The following CLHC1 variants were observed in gnomAD, a reference collection of about 807,000 sequenced individuals.
CLHC1 encodes clathrin heavy chain linker domain-containing protein 1.
CLHC1 carries 72 observed loss-of-function variants against 69.5 expected under a neutral mutation model. That is an observed-to-expected ratio of 1.04 (90% CI 0.86 to 1.26). The LOEUF (loss-of-function observed/expected upper bound fraction) is 1.26. Ranked by LOEUF, CLHC1 falls within the 50% of genes most tolerant of loss-of-function variation. CLHC1 has a pLI of 0.00. For missense variants in CLHC1, 790 were observed against 679.3 expected, an observed-to-expected ratio of 1.16 and a Z score of -1.81; for synonymous variants, 223 against 224.3, an observed-to-expected ratio of 0.99 and a Z score of 0.05.
In CLHC1 at chr2:55,206,170, G is replaced by T. The variant is rs113618314; in HGVS notation, c.1006+100C>A. The T allele has an allele frequency of 8.6e-3, 5,812 of 673,834 alleles. 48 individuals carry two copies. Among genetic ancestry groups the T allele is most frequent in the Non-Finnish European group, 9.9e-3 (3,874 of 389,994 alleles). 41.7% of individuals were successfully genotyped at this position (673,834 alleles called of 1,614,324 possible). ...AGTAAATGGTAGAGATAGGGCTGGG[G>T]CCTAGATCTTTAGTCTCCCAGTTTA... On this transcript the variant is annotated intron_variant, in intron 9 of 12. Transcript: ENST00000401408.
chr2:55,225,666 C>A, intron 2 of CLHC1: 1 of 152,686 alleles, frequency 6.5e-6, no homozygotes, highest in Non-Finnish European at 1.5e-5. Flanking sequence ...TGCCCCCTGC[C>A]ACCTCGAATT....
chr2:55,193,118 T>C (rs1392999215), intron 9 of CLHC1, among the ~76,000 whole-genome samples: 2 of 151,940 alleles, frequency 1.3e-5, no homozygotes, highest in African/African-American at 4.8e-5. Flanking sequence ...AGTCTTGAAC[T>C]CCTGACCTTG....
chr2:55,195,327 C>T (rs1244377861), intron 9 of CLHC1, among the ~76,000 whole-genome samples: 2 of 152,074 alleles, frequency 1.3e-5, no homozygotes, highest in Non-Finnish European at 1.5e-5. Context: ...GTATAATGTG[C>T]TCCAGGTTTA....
chr2:55,189,510 A>G (rs1339520289), intron 9 of CLHC1, among the ~76,000 whole-genome samples: 1 of 152,226 alleles, frequency 6.6e-6, no homozygotes, highest in Non-Finnish European at 1.5e-5. Context: ...AGGTGAACCC[A>G]ACAATAGCCT....
chr2:55,186,252 C>T (rs751471608), intron 9 of CLHC1, among the ~76,000 whole-genome samples: 1 of 152,100 alleles, frequency 6.6e-6, no homozygotes, highest in Non-Finnish European at 1.5e-5. Context: ...AAACATAAAG[C>T]CTTTCCAGAG....
At position 55,203,262 on chromosome 2, in the gene CLHC1, T is replaced by C. The variant is rs555575961; in HGVS notation, c.1006+3008A>G. On this transcript the variant is annotated intron_variant, in intron 9 of 12. Coordinates refer to ENST00000401408, the MANE Select transcript of CLHC1 (RefSeq NM_152385.4). ...AAAGCAATCTACAGATTTAATGCAA[T>C]CCCTATCAAAATACCATGAAATTCT... 1.4e-4 allele frequency among the ~76,000 whole-genome samples: 21 copies of C among 152,254 alleles called. No individual in the cohort carries two copies. In the South Asian group the frequency reaches 4.3e-3, roughly 32 times the overall value.
Position 55,175,863 on chromosome 2 carries a change from C to T in CLHC1, c.1688G>A (p.Arg563Gln), listed in dbSNP as rs199551105. The T allele has an allele frequency of 4.5e-5, 72 of 1,613,964 alleles. No individual in the cohort carries two copies. The East Asian group carries it at 1.1e-3, about 24-fold the overall frequency. The stretch of plus-strand genomic sequence containing the variant: ...AATTTCTGTAACTGCAGCCTGAGAT[C>T]GAAGAATAGACGTGATGTCATTAGA... ...KLSNDITSILRSQAAVTEISE... is the reference protein window; with the variant it reads ...KLSNDITSILQSQAAVTEISE... The change falls in exon 13 of 13, where the codon CGA becomes CAA. Residue 563 changes from arginine to glutamine, a missense_variant. Physicochemically the swap from Arg to Gln is conservative, Grantham distance 43 (BLOSUM62 1). Coordinates refer to ENST00000401408, the MANE Select transcript of CLHC1 (RefSeq NM_152385.4).
At chr2:55,204,722 C>T (rs982005326) in intron 9 of CLHC1, among the ~76,000 whole-genome samples, 2 of 151,982 alleles carry the variant, frequency 1.3e-5, no homozygotes, top group African/African-American at 2.4e-5. Context: ...AAATGTGGTA[C>T]GTATAGGCAA....
At chr2:55,184,108 T>TC (rs1375092364) in intron 9 of CLHC1, among the ~76,000 whole-genome samples, 3 of 147,230 alleles carry the variant, frequency 2.0e-5, no homozygotes, top group Non-Finnish European at 3.0e-5. Flanking sequence ...CTTTCTTTAT[T>TC]TTTTTTTTTT....
At chr2:55,226,990 C>A (rs1247075226) in intron 2 of CLHC1, among the ~76,000 whole-genome samples, 1 of 152,184 alleles carries the variant, frequency 6.6e-6, no homozygotes, top group Non-Finnish European at 1.5e-5. Flanking sequence ...TCAATTGTAT[C>A]ATGTTCTGGC....
intron 9 of CLHC1, among the ~76,000 whole-genome samples, chr2:55,182,872 C>T (rs1670058043): frequency 1.3e-5 from 2 of 151,970 alleles, no homozygotes; most frequent in African/African-American, 2.4e-5. Flanking sequence ...GGGGTACACA[C>T]CACCAGAATC....
intron 9 of CLHC1, among the ~76,000 whole-genome samples, chr2:55,201,821 T>G (rs1671971813): frequency 6.6e-6 from 1 of 151,998 alleles, no homozygotes; most frequent in Non-Finnish European, 1.5e-5. Context: ...CATAACCAAG[T>G]GGGATTTATC....
chr2:55,177,822 A>G (rs1669547927), intron 11 of CLHC1, 41 bp from the exon 12 acceptor site: 1 of 1,429,820 alleles, frequency 7.0e-7, no homozygotes, highest in Non-Finnish European at 9.6e-7. Flanking sequence ...ATGTCCTAAT[A>G]TCATAAATCA....
intron 12 of CLHC1, among the ~76,000 whole-genome samples, chr2:55,176,464 A>G (rs1444477315): frequency 1.3e-5 from 2 of 152,230 alleles, no homozygotes; most frequent in South Asian, 4.1e-4. Context: ...AAACTCTTTG[A>G]CAAACTCTTT....
chr2:55,176,133 C>G lies in CLHC1; in HGVS notation c.1565-147G>C, dbSNP rs1222243315. On this transcript the variant is annotated intron_variant, in intron 12 of 12. Transcript: ENST00000401408. ...CCCCTAAGATTAATGATATAACATG[C>G]AGTGCTCAGTCAAGCTCATGGTAAG... 9 of 669,298 alleles carry G rather than the reference C, an allele frequency of 1.3e-5. No individual in the cohort carries two copies. The East Asian group carries it at 2.2e-4, about 16-fold the overall frequency. 41.5% of individuals were successfully genotyped at this position (669,298 alleles called of 1,614,324 possible).
At chr2:55,198,879 A>G (rs926488463) in intron 9 of CLHC1, among the ~76,000 whole-genome samples, 2 of 152,196 alleles carry the variant, frequency 1.3e-5, no homozygotes, top group African/African-American at 4.8e-5. Context: ...TGTTGAAGAA[A>G]AAAAACATTT....
At chr2:55,206,176 A>C in intron 9 of CLHC1, 94 bp downstream of exon 9, 3 of 708,452 alleles carry the variant, frequency 4.2e-6, no homozygotes, top group South Asian at 3.6e-5. Flanking sequence ...TGGGGCCTAG[A>C]TCTTTAGTCT....
chr2:55,222,691 A>AG (rs1401770934), intron 2 of CLHC1, among the ~76,000 whole-genome samples, 198 bp from the exon 3 acceptor site: 3 of 152,052 alleles, frequency 2.0e-5, no homozygotes, highest in African/African-American at 7.2e-5. Flanking sequence ...AGGCCGAGGC[A>AG]GGTGGATCAT....
chr2:55,194,061 C>G (rs912357421), intron 9 of CLHC1, among the ~76,000 whole-genome samples: 1 of 151,988 alleles, frequency 6.6e-6, no homozygotes, highest in Non-Finnish European at 1.5e-5. Flanking sequence ...AGGACCAAAG[C>G]AGGTAAATCT....
Sources: gnomAD v4.1 joint callset for allele counts (sites outside exome capture counted in the v4.1 genomes callset) on GRCh38, gnomAD v4.1.1 for gene constraint, MANE v1.5 for transcripts, NCBI Gene and HGNC (gene_info 2026-07-23, HGNC 2026-07-21) for gene names.